NBPF11: variants seen among roughly 807,000 people sequenced by gnomAD.
NBPF11 encodes NBPF member 11, also known as NBPF family member NBPF11.
In NBPF11, 72 loss-of-function variants were observed where a neutral mutation model predicts 93.9. The ratio of observed to expected loss-of-function variants is 0.77; its 90% CI spans 0.63 to 0.93. NBPF11 has a LOEUF of 0.93. NBPF11 is among the 40% of genes least tolerant of loss of function. The pLI, the probability that NBPF11 is intolerant of heterozygous loss-of-function variation, is 0.00. For missense variants in NBPF11, 705 were observed against 802.2 expected, an observed-to-expected ratio of 0.88 and a Z score of 1.46; for synonymous variants, 224 against 304.9, an observed-to-expected ratio of 0.73 and a Z score of 2.76.
chr1:148,149,400 A>T, intron 1 of NBPF11: 1 of 1,583,174 alleles, frequency 6.3e-7, no homozygotes, highest in Non-Finnish European at 8.5e-7. Context: ...AGGGAGGACG[A>T]GGTGATCGAC....
At chr1:148,146,522 TGGGGCCTGGTGGGGCC>T (rs1673112106) in intron 1 of NBPF11, 1 of 1,599,106 alleles carries the variant, frequency 6.3e-7, no homozygotes, top group Admixed American at 1.7e-5. Flanking sequence ...GAGCCCGAGC[TGGGGCCTGGTGGGGCC>T]GGGGCCGCCC....
chr1:148,149,624 G>A (rs1647766932), intron 1 of NBPF11: 13 of 1,506,330 alleles, frequency 8.6e-6, no homozygotes, highest in South Asian at 2.3e-5. Flanking sequence ...CTCACCCCGC[G>A]CCGGCCCCCA....
In NBPF11 at chr1:148,105,719, CAG is replaced by C. The variant is rs1210863155; in HGVS notation, c.2304-193_2304-192del. On this transcript the variant is annotated intron_variant, in intron 21 of 23. Transcript: ENST00000682118. ...AATGGAAAAGAATGAAAGAGAAAGA[CAG>C]ACACACACACACACACACACACACA... Among the ~76,000 whole-genome samples, 18 of 10,908 alleles carry C rather than the reference CAG, an allele frequency of 1.7e-3. 1 individual carries two copies. In the East Asian group the frequency reaches 0.072, roughly 44 times the overall value. 7.2% of individuals were successfully genotyped at this position (10,908 alleles called of 152,430 possible).
At chr1:148,117,209 G>C (rs1263787007) in intron 12 of NBPF11, among the ~76,000 whole-genome samples, 3 of 151,404 alleles carry the variant, frequency 2.0e-5, no homozygotes, top group South Asian at 2.1e-4. Context: ...CTCACCGACA[G>C]TTACTAAGAA....
At chr1:148,138,114 T>TGGCTTTC (rs1671632360) in intron 2 of NBPF11, among the ~76,000 whole-genome samples, 1 of 150,316 alleles carries the variant, frequency 6.7e-6, no homozygotes, top group African/African-American at 2.5e-5. Flanking sequence ...TGTCTCTGCA[T>TGGCTTTC]CATAAACAAG....
At chr1:148,149,033 T>A (rs1195471069) in intron 1 of NBPF11, 53 of 733,082 alleles carry the variant, frequency 7.2e-5, no homozygotes, top group Non-Finnish European at 9.8e-5. Context: ...AGCCTGAGCC[T>A]GACCCACTGA....
intron 18 of NBPF11, among the ~76,000 whole-genome samples, 187 bp from the exon 19 acceptor site, chr1:148,107,949 CTG>C (rs1452116051): frequency 1.3e-5 from 2 of 151,652 alleles, no homozygotes; most frequent in Non-Finnish European, 2.9e-5. Context: ...GTCCCAGAAA[CTG>C]TGGGTAAACT....
At chr1:148,104,236 C>T (rs1662990973) in intron 23 of NBPF11, among the ~76,000 whole-genome samples, 1 of 144,960 alleles carries the variant, frequency 6.9e-6, no homozygotes, top group African/African-American at 2.7e-5. Context: ...TGACACACAG[C>T]AAACTGTGAT....
At chr1:148,104,761 C>T in intron 22 of NBPF11, 116 bp from the exon 23 acceptor site, 1 of 468,546 alleles carries the variant, frequency 2.1e-6, no homozygotes, top group South Asian at 2.2e-5. Context: ...GAATAGGACA[C>T]TGTGAGAGAT....
chr1:148,139,925 G>A (rs1311162436), intron 2 of NBPF11, among the ~76,000 whole-genome samples: 2 of 150,234 alleles, frequency 1.3e-5, no homozygotes, highest in African/African-American at 4.9e-5. Flanking sequence ...GACTAAGGGG[G>A]AATCTTACAC....
chr1:148,102,643 A>G lies in NBPF11; in HGVS notation c.*1253T>C, dbSNP rs1340807680. 6.6e-6 allele frequency: 1 copy of G among 150,998 alleles called. No homozygotes were observed. The highest frequency in any genetic ancestry group is 2.5e-5 in the African/African-American group (1 of 40,514). The allele number at this position is 150,998 out of a possible 1,614,324, so 9.4% of individuals were successfully genotyped here. On this transcript the variant is annotated 3_prime_UTR_variant, in exon 24 of 24. Coordinates refer to ENST00000682118, the MANE Select transcript of NBPF11 (RefSeq NM_001385469.3). ...TTCAGACAACTTCAGAATGTAGATCATTGAGCCAGACAGCTGACCTGTCCT... is the reference window on the plus strand; with the variant it reads ...TTCAGACAACTTCAGAATGTAGATCGTTGAGCCAGACAGCTGACCTGTCCT...
intron 2 of NBPF11, among the ~76,000 whole-genome samples, chr1:148,138,531 G>C (rs1263312650): frequency 6.6e-6 from 1 of 151,836 alleles, no homozygotes; most frequent in African/African-American, 2.4e-5. Context: ...GTGTCTCTGG[G>C]TACTTGAGAT....
chr1:148,127,869 G>T (rs1451798305), intron 4 of NBPF11, among the ~76,000 whole-genome samples: 4 of 151,722 alleles, frequency 2.6e-5, no homozygotes, highest in African/African-American at 9.7e-5. Context: ...TGTTAGCCAG[G>T]ATGGTCTCGA....
In NBPF11 at chr1:148,149,435, G is replaced by C. The variant is rs1203322132; in HGVS notation, c.-549+2315C>G. 86 of 1,583,264 alleles carry C rather than the reference G, an allele frequency of 5.4e-5. No homozygotes were observed. In the Middle Eastern group the frequency reaches 1.1e-3, roughly 21 times the overall value. On this transcript the variant is annotated intron_variant, in intron 1 of 23. Coordinates refer to ENST00000682118, the MANE Select transcript of NBPF11 (RefSeq NM_001385469.3). ...CTTCTCGCACGGGCTGGCGCTCTAC[G>C]AGCGCTGCCCCAAGGCGGTGGAGCC...
chr1:148,142,612 GAGA>G lies in NBPF11; in HGVS notation c.-277+800_-277+802del, dbSNP rs1218120648. ...CCCAGGACCTGGTGGGCAGCCACGT[GAGA>G]AGGATACAAACAGGCCATGCCCCTT... On this transcript the variant is annotated intron_variant, in intron 2 of 23. Transcript: ENST00000682118. 6.5e-4 allele frequency among the ~76,000 whole-genome samples: 99 copies of G among 152,246 alleles called. 1 individual carries two copies. Among genetic ancestry groups the G allele is most frequent in the African/African-American group, 2.3e-3 (95 of 41,470 alleles).
At chr1:148,114,186 G>T (rs1416403779) in intron 15 of NBPF11, among the ~76,000 whole-genome samples, 2 of 147,264 alleles carry the variant, frequency 1.4e-5, no homozygotes, top group South Asian at 2.2e-4. Flanking sequence ...CTGGTTTTTT[G>T]AAAAGATCAA....
chr1:148,146,249 C>A (rs1306828081), intron 1 of NBPF11: 44 of 1,116,512 alleles, frequency 3.9e-5, no homozygotes, highest in Admixed American at 2.5e-4. Context: ...GGCCTCCTAA[C>A]GGGGCTGCTG....
chr1:148,148,010 CG>C (rs1673476509), intron 1 of NBPF11, among the ~76,000 whole-genome samples: 2 of 152,084 alleles, frequency 1.3e-5, no homozygotes, highest in South Asian at 4.1e-4. Flanking sequence ...GTGTCCCGTT[CG>C]TTTGAGTGGT....
At chr1:148,124,249 C>CTG (rs1668560782) in intron 6 of NBPF11, among the ~76,000 whole-genome samples, 182 bp from the exon 7 acceptor site, 454 of 116,606 alleles carry the variant, frequency 3.9e-3, no homozygotes, top group African/African-American at 0.013. Context: ...GGCTTTCCCT[C>CTG]TATCAGAGAG....
Sources: allele counts gnomAD v4.1 joint callset (sites outside exome capture counted in the v4.1 genomes callset), GRCh38; gene constraint gnomAD v4.1.1; transcripts MANE v1.5; gene names NCBI Gene and HGNC (gene_info 2026-07-23, HGNC 2026-07-21).